Variants in MICAL2 observed in about 807,000 individuals in gnomAD.
MICAL2 encodes the protein microtubule associated monooxygenase, calponin and LIM domain containing 2.
MICAL2 carries 77 observed loss-of-function variants against 127.3 expected under a neutral mutation model. The observed-to-expected ratio is 0.60, with a 90% CI of 0.50 to 0.73. The LOEUF is 0.73. Among genes scored for constraint, MICAL2 ranks in the 30% least tolerant of loss-of-function variants. The pLI, the probability that MICAL2 is intolerant of heterozygous loss-of-function variation, is 0.00. For synonymous variants in MICAL2, 570 were observed against 551.1 expected (o/e 1.03, Z -0.48); for missense variants, 1,351 against 1,434.4 (o/e 0.94, Z 0.94).
At chr11:12,256,998 G>A (rs370058900) in intron 24 of MICAL2, 27 bp downstream of exon 24, 19 of 1,595,252 alleles carry the variant, frequency 1.2e-5, no homozygotes, top group Non-Finnish European at 1.6e-5. Flanking sequence ...GGGCAGCACT[G>A]GGCTCTGGCC....
intron 29 of MICAL2, among the ~76,000 whole-genome samples, chr11:12,312,115 G>A (rs1301097446): frequency 6.6e-6 from 1 of 151,120 alleles, no homozygotes; most frequent in Non-Finnish European, 1.5e-5. Context: ...CCTAATATTG[G>A]TAATTTTTGT....
chr11:12,361,058 G>A (rs368182158), downstream of MICAL2, among the ~76,000 whole-genome samples: 25 of 152,284 alleles, frequency 1.6e-4, no homozygotes, highest in African/African-American at 5.3e-4. Context: ...AACACACAGA[G>A]TCTGCAGTGC....
intron 3 of MICAL2, among the ~76,000 whole-genome samples, chr11:12,201,547 A>G (rs1853992710): frequency 2.0e-5 from 3 of 152,048 alleles, no homozygotes; most frequent in African/African-American, 4.8e-5. Flanking sequence ...CTCCTGCCTT[A>G]GGAAAGAGTT....
chr11:12,351,232 C>T (rs1036825097), intron 33 of MICAL2, among the ~76,000 whole-genome samples: 3 of 152,198 alleles, frequency 2.0e-5, no homozygotes, highest in Non-Finnish European at 2.9e-5. Context: ...TAACCAACCC[C>T]AGAATTAGAC....
At chr11:12,253,120 T>TG (rs1315723464) in intron 22 of MICAL2, 1 of 151,930 alleles carries the variant, frequency 6.6e-6, no homozygotes, top group East Asian at 1.9e-4. Context: ...GAGAGCAAGC[T>TG]GGGGTTTGCA....
chr11:12,227,135 A>G lies in MICAL2; in HGVS notation c.1995+4A>G. 6.2e-7 allele frequency: 1 copy of G among 1,605,780 alleles called. No individual in the cohort carries two copies. The highest frequency in any genetic ancestry group is 1.3e-5 in the African/African-American group (1 of 74,738). On this transcript the variant is annotated splice_donor_region_variant and intron_variant, in intron 15 of 27. Coordinates refer to ENST00000683283, the MANE Select transcript of MICAL2 (RefSeq NM_001282663.2). ...TCCAAGGAAGAGGACTCCACGGGTA[A>G]GTTTTGGCCTGGTTTCGGTTTTATT...
At chr11:12,240,155 C>G (rs1430568116) in intron 17 of MICAL2, among the ~76,000 whole-genome samples, 2 of 152,186 alleles carry the variant, frequency 1.3e-5, no homozygotes, top group Admixed American at 1.3e-4. Context: ...CCCCTCTCTC[C>G]CTGCACCAGG....
At position 12,144,795 on chromosome 11, in the gene MICAL2, A is replaced by C. The variant is rs144496142; in HGVS notation, c.-78+6335A>C. Among the ~76,000 whole-genome samples, 435 of 152,300 alleles carry C rather than the reference A, an allele frequency of 2.9e-3. 3 individuals are homozygous for C. The highest frequency in any genetic ancestry group is 0.01 in the African/African-American group (416 of 41,550). On this transcript the variant is annotated intron_variant, in intron 2 of 27. Transcript: ENST00000683283. ...ATAACTTCCTCCAGTTAGTTCAGCA[A>C]CTGAGTATACATTAGAGACTGGTTC...
upstream of MICAL2, chr11:12,274,421 T>C (rs1438571606): frequency 6.6e-6 from 1 of 151,538 alleles, no homozygotes; most frequent in Admixed American, 6.6e-5. Flanking sequence ...ATAAACAAAA[T>C]GAAAAAAGGA....
At position 12,262,653 on chromosome 11, in the gene MICAL2, T is replaced by C. The variant is rs1394859059; in HGVS notation, c.*17+116T>C. Reference sequence around the variant, plus strand: ...CACTAACTGTGAGTGTCTTGCATACTGATGGACTCATTTGGTGGCATGGTT... The same window carrying C: ...CACTAACTGTGAGTGTCTTGCATACCGATGGACTCATTTGGTGGCATGGTT... On this transcript the variant is annotated intron_variant, in intron 27 of 27. Transcript: ENST00000683283. 8.0e-6 allele frequency: 7 copies of C among 874,604 alleles called. No individual in the cohort carries two copies. The African/African-American group carries it at 9.9e-5, about 12-fold the overall frequency. The allele number at this position is 874,604 out of a possible 1,614,324, so 54.2% of individuals were successfully genotyped here. A position where few individuals can be genotyped will look rare whatever the true frequency, so the allele number is the denominator to read the frequency against.
At chr11:12,248,759 G>GGAGGATAAATCTCAGGGACACCTGGTAA (rs1555003965) in intron 21 of MICAL2, among the ~76,000 whole-genome samples, 1 of 152,382 alleles carries the variant, frequency 6.6e-6, no homozygotes, top group Admixed American at 6.5e-5. Context: ...TGACCTGGTA[G>GGAGGATAAATCTCAGGGACACCTGGTAA]GAGGATAAAT....
At chr11:12,214,408 G>A (rs956480191) in intron 7 of MICAL2, among the ~76,000 whole-genome samples, 3 of 152,186 alleles carry the variant, frequency 2.0e-5, no homozygotes, top group African/African-American at 7.2e-5. Flanking sequence ...TTATGTGACT[G>A]TAGCTTAAAT....
At chr11:12,299,643 G>A (rs1192739428) in intron 29 of MICAL2, among the ~76,000 whole-genome samples, 1 of 152,106 alleles carries the variant, frequency 6.6e-6, no homozygotes, top group Non-Finnish European at 1.5e-5. Flanking sequence ...CATGCCCTGA[G>A]AACCTTTAAT....
chr11:12,168,188 T>C (rs1017490541), intron 3 of MICAL2, among the ~76,000 whole-genome samples: 2 of 135,536 alleles, frequency 1.5e-5, no homozygotes, highest in African/African-American at 2.7e-5. Context: ...ACATACACCA[T>C]ACATACACAT....
intron 32 of MICAL2, among the ~76,000 whole-genome samples, chr11:12,340,147 A>T (rs1383540343): frequency 2.0e-5 from 3 of 152,156 alleles, no homozygotes; most frequent in Non-Finnish European, 4.4e-5. Context: ...TGTGTTTGCA[A>T]AAAAAATAAC....
chr11:12,306,155 A>G (rs527860892), intron 29 of MICAL2, among the ~76,000 whole-genome samples: 3 of 152,332 alleles, frequency 2.0e-5, no homozygotes, highest in Admixed American at 2.0e-4. Flanking sequence ...ATGAAGACGT[A>G]ACATTACCAG....
At chr11:12,183,037 A>C (rs7124959) in intron 3 of MICAL2, among the ~76,000 whole-genome samples, 59,108 of 152,024 alleles carry the variant, frequency 0.39, 14,290 homozygotes, top group Middle Eastern at 0.54. Context: ...TCTTAGATGG[A>C]AAATGCAGCC....
At chr11:12,356,842 T>G (rs1162648446) in intron 34 of MICAL2, among the ~76,000 whole-genome samples, 2 of 152,226 alleles carry the variant, frequency 1.3e-5, no homozygotes, top group African/African-American at 4.8e-5. Flanking sequence ...ACTCAGACCC[T>G]TCTTCTCTGC....
At chr11:12,266,079 T>G (rs1021978224), downstream of MICAL2, among the ~76,000 whole-genome samples, 3 of 152,164 alleles carry the variant, frequency 2.0e-5, no homozygotes, top group African/African-American at 7.2e-5. Flanking sequence ...GCCACTGCAC[T>G]CCAGCTTGGA....
Sources: gnomAD v4.1 joint callset for allele counts (sites outside exome capture counted in the v4.1 genomes callset) on GRCh38, gnomAD v4.1.1 for gene constraint, MANE v1.5 for transcripts, NCBI Gene and HGNC (gene_info 2026-07-23, HGNC 2026-07-21) for gene names.